The following RBM20 variants were observed in gnomAD, a reference collection of about 807,000 sequenced individuals.
RBM20 encodes the protein RNA-binding protein 20.
A neutral mutation model predicts 110.1 loss-of-function variants in RBM20; 51 were observed. That is an observed-to-expected ratio of 0.46 (90% CI 0.37 to 0.59). RBM20 has a LOEUF of 0.59. RBM20 is among the 20% of genes least tolerant of loss of function. RBM20 has a pLI of 0.00. For missense variants in RBM20, 1,512 were observed against 1,574.9 expected, an observed-to-expected ratio of 0.96 and a Z score of 0.68; for synonymous variants, 589 against 618.2, an observed-to-expected ratio of 0.95 and a Z score of 0.70.
rs1325289939 is a variant in RBM20, at chr10:110,822,039, C to T, written c.3316+104C>T. 5.2e-6 allele frequency: 6 copies of T among 1,152,354 alleles called. No individual in the cohort carries two copies. The Admixed American group carries it at 6.1e-5, about 12-fold the overall frequency. 71.4% of individuals were successfully genotyped at this position (1,152,354 alleles called of 1,614,324 possible). Reference sequence around the variant, plus strand: ...GCTGGAATGAACATAAGTAAGGTTTCAACTAGCATTAAAGTGGGTGCAGAA... The same window carrying T: ...GCTGGAATGAACATAAGTAAGGTTTTAACTAGCATTAAAGTGGGTGCAGAA... On this transcript the variant is annotated intron_variant, in intron 11 of 13. Transcript: ENST00000369519.
chr10:110,723,764 T>C (rs141322391), intron 1 of RBM20, among the ~76,000 whole-genome samples: 2 of 152,330 alleles, frequency 1.3e-5, no homozygotes, highest in East Asian at 3.9e-4. Flanking sequence ...CTATTTTTAA[T>C]TGGGTTATGG....
intron 1 of RBM20, among the ~76,000 whole-genome samples, chr10:110,720,242 C>T (rs1843489580): frequency 6.6e-6 from 1 of 152,164 alleles, no homozygotes; most frequent in African/African-American, 2.4e-5. Context: ...AAGCTTGCTT[C>T]ATTCCTAGTG....
intron 7 of RBM20, among the ~76,000 whole-genome samples, chr10:110,802,741 G>A (rs1844645330): frequency 6.6e-6 from 1 of 152,206 alleles, no homozygotes; most frequent in Non-Finnish European, 1.5e-5. Flanking sequence ...GGGTGGAACT[G>A]GGCCAGGTGC....
intron 1 of RBM20, among the ~76,000 whole-genome samples, chr10:110,680,512 G>A (rs1362239239): frequency 6.6e-6 from 1 of 152,202 alleles, no homozygotes; most frequent in East Asian, 1.9e-4. Flanking sequence ...CTGTTCTCCT[G>A]GGCTGGCATG....
chr10:110,702,544 T>C (rs535494652), intron 1 of RBM20, among the ~76,000 whole-genome samples: 1 of 152,282 alleles, frequency 6.6e-6, no homozygotes, highest in Non-Finnish European at 1.5e-5. Flanking sequence ...CTCTAAAAAA[T>C]ACATAAATGA....
chr10:110,768,095 C>T (rs937544607), intron 1 of RBM20, among the ~76,000 whole-genome samples: 2 of 152,212 alleles, frequency 1.3e-5, no homozygotes, highest in African/African-American at 2.4e-5. Flanking sequence ...TCAGGCGTGG[C>T]GGCGCGCGCC....
intron 5 of RBM20, among the ~76,000 whole-genome samples, chr10:110,795,940 A>G (rs1391046574): frequency 6.6e-6 from 1 of 152,200 alleles, no homozygotes; most frequent in African/African-American, 2.4e-5. Context: ...CCGGACCCCA[A>G]GGTTTGACCA....
At chr10:110,657,153 A>G (rs1862037851) in intron 1 of RBM20, among the ~76,000 whole-genome samples, 1 of 151,808 alleles carries the variant, frequency 6.6e-6, no homozygotes, top group Non-Finnish European at 1.5e-5. Context: ...AGTAGCTGGG[A>G]CTACAGGCCC....
rs147392170 is a variant in RBM20, at chr10:110,667,251, G to A, written c.191+22606G>A. Among the ~76,000 whole-genome samples, 365 of 152,318 alleles carry A rather than the reference G, an allele frequency of 2.4e-3. 2 individuals carry two copies. Among genetic ancestry groups the A allele is most frequent in the Non-Finnish European group, 2.4e-3 (165 of 68,022 alleles). ...ATCCTAAGAATCCCAAGGCTGGGCC[G>A]GAGCTTATGTGTTTGGACATCCCTG... On this transcript the variant is annotated intron_variant, in intron 1 of 13. Transcript: ENST00000369519.
At chr10:110,675,562 T>TG in intron 1 of RBM20, among the ~76,000 whole-genome samples, 1 of 152,240 alleles carries the variant, frequency 6.6e-6, no homozygotes. Context: ...GTAAGGTATG[T>TG]GGGCAAGCAG....
intron 1 of RBM20, among the ~76,000 whole-genome samples, chr10:110,700,786 C>T (rs10885021): frequency 0.17 from 26,268 of 152,058 alleles, 2,760 homozygotes; most frequent in East Asian, 0.5. Context: ...GAGGCTGAGG[C>T]GGGCGGATCA....
intron 1 of RBM20, among the ~76,000 whole-genome samples, chr10:110,678,930 T>G (rs1394968388): frequency 1.3e-5 from 2 of 152,174 alleles, no homozygotes; most frequent in Non-Finnish European, 2.9e-5. Flanking sequence ...GGTTCATGCT[T>G]TGCTGCAACC....
At position 110,810,377 on chromosome 10, in the gene RBM20, T is replaced by C. The variant is rs1163552743; in HGVS notation, c.1801-6T>C. 1 of 1,550,720 alleles carries C rather than the reference T, an allele frequency of 6.4e-7. No homozygotes were observed. Among genetic ancestry groups the C allele is most frequent in the Non-Finnish European group, 8.7e-7 (1 of 1,146,254 alleles). On this transcript the variant is annotated splice_region_variant and splice_polypyrimidine_tract_variant and intron_variant, in intron 7 of 13. Coordinates refer to ENST00000369519, the MANE Select transcript of RBM20 (RefSeq NM_001134363.3). ...GATCTGATGGTGATCTCTCTGACTT[T>C]GCTAGAAACCCGGGAAGGCCGTGGC...
chr10:110,747,514 T>C (rs968930170), intron 1 of RBM20, among the ~76,000 whole-genome samples: 2 of 152,218 alleles, frequency 1.3e-5, no homozygotes, highest in Non-Finnish European at 1.5e-5. Context: ...TTCTCCCTTA[T>C]AGTCAGGGCT....
Position 110,644,440 on chromosome 10 carries a change from C to T in RBM20, c.-15C>T, listed in dbSNP as rs1168716453. On this transcript the variant is annotated 5_prime_UTR_variant, in exon 1 of 14. Coordinates refer to ENST00000369519, the MANE Select transcript of RBM20 (RefSeq NM_001134363.3). This position sits in a 1 kb window ranked among gnomAD's most constrained non-coding sequence, Gnocchi z 4.3. ...TGAGCTCTCTCGCCGCGATCCCGGG[C>T]GGGTCTCGCCCCGCATGGTGCTGGC... 3 of 1,461,998 alleles carry T rather than the reference C, an allele frequency of 2.1e-6. No individual in the cohort carries two copies. The highest frequency in any genetic ancestry group is 1.8e-6 in the Non-Finnish European group (2 of 1,111,832). 90.6% of individuals were successfully genotyped at this position (1,461,998 alleles called of 1,614,324 possible). A position where few individuals can be genotyped will look rare whatever the true frequency, so the allele number is the denominator to read the frequency against.
chr10:110,648,159 T>C (rs1034418652), intron 1 of RBM20, among the ~76,000 whole-genome samples: 3 of 152,230 alleles, frequency 2.0e-5, no homozygotes, highest in Non-Finnish European at 4.4e-5. Flanking sequence ...TAGCATTTGA[T>C]GGCTAGTGTT....
intron 1 of RBM20, among the ~76,000 whole-genome samples, chr10:110,734,210 C>A (rs527841095): frequency 5.3e-5 from 8 of 152,156 alleles, no homozygotes; most frequent in Non-Finnish European, 8.8e-5. Context: ...ATAAGAGGGT[C>A]TCATTTGTGT....
chr10:110,796,636 C>T (rs1844554159), intron 5 of RBM20, among the ~76,000 whole-genome samples: 1 of 152,126 alleles, frequency 6.6e-6, no homozygotes. Context: ...ATCAATAGTC[C>T]CAGCTATTCG....
chr10:110,830,268 A>T (rs1038605811), intron 12 of RBM20, among the ~76,000 whole-genome samples: 1 of 151,878 alleles, frequency 6.6e-6, no homozygotes, highest in African/African-American at 2.4e-5. Context: ...TTCAAGGATG[A>T]CTCCCCTGGC....
Sources: gnomAD v4.1 joint callset for allele counts (sites outside exome capture counted in the v4.1 genomes callset) on GRCh38, gnomAD v4.1.1 for gene constraint, Gnocchi (gnomAD v3.1) non-coding constraint, MANE v1.5 for transcripts, NCBI Gene and HGNC (gene_info 2026-07-23, HGNC 2026-07-21) for gene names.